The following ZBTB44 variants were observed in gnomAD, a reference collection of about 807,000 sequenced individuals.
The protein encoded by ZBTB44 is zinc finger and BTB domain containing 44.
A neutral mutation model predicts 54.0 loss-of-function variants in ZBTB44; 15 were observed. The observed-to-expected ratio is 0.28, with a 90% CI of 0.19 to 0.43. The LOEUF (loss-of-function observed/expected upper bound fraction) is 0.43. ZBTB44 is among the 20% of genes least tolerant of loss of function. The pLI, the probability that ZBTB44 is intolerant of heterozygous loss-of-function variation, is 1.00. For missense variants in ZBTB44, 487 were observed against 707.1 expected (o/e 0.69, Z 3.53); for synonymous variants, 230 against 250.1 (o/e 0.92, Z 0.76).
rs1953813086 is a variant in ZBTB44 at position 130,229,872 on chromosome 11, C to T, written c.*1892G>A. The stretch of plus-strand genomic sequence containing the variant: ...CTGTTTCTTCTAACTGTAAACTTCA[C>T]ACTAGTTTTTTTTTCCCAGTTAGTA... On this transcript the variant is annotated 3_prime_UTR_variant, in exon 8 of 8. Transcript: ENST00000357899. 1 of 152,070 alleles carries T rather than the reference C, an allele frequency of 6.6e-6. No homozygotes were observed. Among genetic ancestry groups the T allele is most frequent in the Non-Finnish European group, 1.5e-5 (1 of 67,958 alleles). 9.4% of individuals were successfully genotyped at this position (152,070 alleles called of 1,614,324 possible).
At chr11:130,297,976 C>G (rs1941753179) in intron 1 of ZBTB44, among the ~76,000 whole-genome samples, 1 of 152,132 alleles carries the variant, frequency 6.6e-6, no homozygotes, top group African/African-American at 2.4e-5. Flanking sequence ...GAACATATAT[C>G]ATGCAAACAG....
chr11:130,293,637 AAAG>A (rs1451623123), intron 1 of ZBTB44, among the ~76,000 whole-genome samples: 69 of 151,556 alleles, frequency 4.6e-4, no homozygotes, highest in African/African-American at 1.6e-3. Flanking sequence ...AAAAAAAAAA[AAAG>A]AAAGAAATTA....
chr11:130,251,097 A>C (rs893646868), intron 2 of ZBTB44, among the ~76,000 whole-genome samples: 4 of 152,216 alleles, frequency 2.6e-5, no homozygotes, highest in Non-Finnish European at 5.9e-5. Flanking sequence ...ACGGAAGAAC[A>C]TAAATGACCT....
intron 1 of ZBTB44, among the ~76,000 whole-genome samples, chr11:130,310,910 T>C (rs960461534): frequency 3.3e-5 from 5 of 152,122 alleles, no homozygotes; most frequent in African/African-American, 1.2e-4. Flanking sequence ...CTAATCCAAG[T>C]ATAGTTTTAA....
At chr11:130,260,815 T>C (rs1938809283) in intron 2 of ZBTB44, 41 bp downstream of exon 2, 4 of 1,531,202 alleles carry the variant, frequency 2.6e-6, no homozygotes, top group Non-Finnish European at 3.5e-6. Flanking sequence ...AATGTTTGAA[T>C]TGACTTTATA....
chr11:130,260,144 C>T (rs528177030), intron 2 of ZBTB44, among the ~76,000 whole-genome samples: 58 of 152,318 alleles, frequency 3.8e-4, no homozygotes, highest in Non-Finnish European at 6.8e-4. Context: ...TTACAGCCTG[C>T]GCTCAACCAC....
chr11:130,259,122 C>G (rs1186202641), intron 2 of ZBTB44, among the ~76,000 whole-genome samples: 3 of 152,148 alleles, frequency 2.0e-5, no homozygotes, highest in Admixed American at 6.6e-5. Flanking sequence ...TAGGAAGAAT[C>G]AATATCGTGA....
chr11:130,238,518 G>C lies in ZBTB44; in HGVS notation c.1193C>G (p.Pro398Arg). Residue 398 changes from proline to arginine, a missense_variant, in exon 4 of 8, where the codon CCT becomes CGT. Pro to Arg is a moderately radical substitution (Grantham distance 103). This residue lies in a region of ZBTB44 where 120 missense variants were observed against 240.3 expected (regional missense o/e 0.50). Transcript: ENST00000357899. ...ERPSPNGPDR[P>R]FQCPTCGVRF... ...CACCCCGCAGGTTGGACACTGAAAAGGTCTGTCGGGACCATTTGGACTTGG... is the reference window on the plus strand; with the variant it reads ...CACCCCGCAGGTTGGACACTGAAAACGTCTGTCGGGACCATTTGGACTTGG... The C allele has an allele frequency of 6.2e-7, 1 of 1,611,826 alleles. No individual in the cohort carries two copies. The highest frequency in any genetic ancestry group is 8.5e-7 in the Non-Finnish European group (1 of 1,179,040).
intron 2 of ZBTB44, among the ~76,000 whole-genome samples, chr11:130,257,363 G>T (rs1938525570): frequency 6.6e-6 from 1 of 152,252 alleles, no homozygotes; most frequent in East Asian, 1.9e-4. Flanking sequence ...CTGGATTAGG[G>T]TGGGACCTGA....
At chr11:130,264,899 T>C (rs1939142530) in intron 1 of ZBTB44, among the ~76,000 whole-genome samples, 1 of 152,220 alleles carries the variant, frequency 6.6e-6, no homozygotes, top group Admixed American at 6.5e-5. Context: ...CAGCTTGTGC[T>C]CACTTCACAT....
chr11:130,281,788 G>A (rs1016921092), intron 1 of ZBTB44, among the ~76,000 whole-genome samples: 5 of 7,672 alleles, frequency 6.5e-4, no homozygotes, highest in Non-Finnish European at 2.0e-3. Context: ...TAGAGACGGG[G>A]TTTCGCCGGG....
At chr11:130,235,977 A>G (rs1275895692) in intron 5 of ZBTB44, 2 of 894,492 alleles carry the variant, frequency 2.2e-6, no homozygotes, top group African/African-American at 1.8e-5. Context: ...CAAAAAAAAA[A>G]AAAAGAAAGA....
chr11:130,240,365 G>C (rs1954309268), intron 2 of ZBTB44, among the ~76,000 whole-genome samples: 1 of 151,274 alleles, frequency 6.6e-6, no homozygotes, highest in Non-Finnish European at 1.5e-5. Flanking sequence ...AAATGTTTGT[G>C]ATTTTAAAGA....
In ZBTB44 at chr11:130,314,567, G is replaced by GC. The variant is rs139768395; in HGVS notation, c.-250_-249insG. The GC allele has an allele frequency of 1, 151,376 of 151,380 alleles. 75,686 individuals carry two copies. The highest frequency in any genetic ancestry group is 1 in the Middle Eastern group (292 of 292). 9.4% of individuals were successfully genotyped at this position (151,380 alleles called of 1,614,324 possible). ...CGCCTAGGCCCGTGAGCAGCCTGTG[G>GC]TGGGGCATGGCGGCACAGCCACCGG... On this transcript the variant is annotated 5_prime_UTR_variant, in exon 1 of 8. The change creates a premature stop within an existing upstream ORF in the 5' untranslated region. Coordinates refer to ENST00000357899, the MANE Select transcript of ZBTB44 (RefSeq NM_001301098.2).
intron 1 of ZBTB44, among the ~76,000 whole-genome samples, chr11:130,307,105 T>A (rs1332285842): frequency 6.7e-6 from 1 of 148,624 alleles, no homozygotes; most frequent in Non-Finnish European, 1.5e-5. Flanking sequence ...AATACCTGAA[T>A]AGCCATACCT....
chr11:130,264,627 T>C (rs776137985), intron 1 of ZBTB44, among the ~76,000 whole-genome samples: 1 of 152,168 alleles, frequency 6.6e-6, no homozygotes, highest in Non-Finnish European at 1.5e-5. Flanking sequence ...CTTAGAAGTA[T>C]GGGATGAGAA....
At chr11:130,281,383 G>T (rs1002822123) in intron 1 of ZBTB44, among the ~76,000 whole-genome samples, 4 of 151,920 alleles carry the variant, frequency 2.6e-5, no homozygotes, top group African/African-American at 9.7e-5. Flanking sequence ...AGTTAGGTGT[G>T]GTAACATAAG....
At chr11:130,303,903 G>A (rs1479820921) in intron 1 of ZBTB44, among the ~76,000 whole-genome samples, 1 of 152,032 alleles carries the variant, frequency 6.6e-6, no homozygotes, top group Non-Finnish European at 1.5e-5. Context: ...TTGCAAGACA[G>A]AGTTATCAAC....
intron 2 of ZBTB44, among the ~76,000 whole-genome samples, chr11:130,244,349 G>A (rs982645466): frequency 6.6e-6 from 1 of 152,044 alleles, no homozygotes; most frequent in African/African-American, 2.4e-5. Flanking sequence ...TAGCAAACAA[G>A]CTTTTGGTTA....
Sources: gnomAD v4.1 joint callset for allele counts (sites outside exome capture counted in the v4.1 genomes callset) on GRCh38, gnomAD v4.1.1 for gene constraint, gnomAD v4.1.1 regional missense constraint, MANE v1.5 for transcripts, NCBI Gene and HGNC (gene_info 2026-07-23, HGNC 2026-07-21) for gene names.